The following ZNF18 variants were observed in gnomAD, a reference collection of about 807,000 sequenced individuals.
The protein encoded by ZNF18 is heart development-specific gene 1 protein.
A neutral mutation model predicts 58.1 loss-of-function variants in ZNF18; 42 were observed. That is an observed-to-expected ratio of 0.72 (90% CI 0.56 to 0.93). The LOEUF is 0.93. ZNF18 is among the 40% of genes least tolerant of loss of function. ZNF18 has a pLI of 0.00. For missense variants in ZNF18, 540 were observed against 644.2 expected (o/e 0.84, Z 1.75); for synonymous variants, 231 against 239.8 (o/e 0.96, Z 0.34).
Position 11,991,098 on chromosome 17 carries a change from C to T in ZNF18, c.453G>A (p.Val151=). 1 of 1,614,204 alleles carries T rather than the reference C, an allele frequency of 6.2e-7. No homozygotes were observed. ...SEKMESPSCQ[V]GEVEPHLEVV... is the part of the protein sequence containing the mutation. ...CTTCAAGATGGGGCTCCACTTCCCC[C>T]ACTTGGCAGCTTGGAGATTCCATCT... Residue 151 remains valine, a synonymous_variant, in exon 3 of 7, where the codon GTG becomes GTA. Transcript: ENST00000580306.
chr17:11,984,312 G>A, intron 4 of ZNF18, 115 bp from the exon 5 acceptor site: 2 of 991,450 alleles, frequency 2.0e-6, no homozygotes, highest in Non-Finnish European at 2.9e-6. Context: ...TAGGATCCTG[G>A]CCATCGCAAG....
the ZNF18 span, among the ~76,000 whole-genome samples, chr17:12,005,393 G>C: frequency 6.6e-6 from 1 of 151,964 alleles, no homozygotes; most frequent in African/African-American, 2.4e-5. Flanking sequence ...TAAGCCCATC[G>C]GTAAAAATTA....
the ZNF18 span, among the ~76,000 whole-genome samples, chr17:12,017,514 T>G: frequency 7.9e-5 from 12 of 152,178 alleles, no homozygotes; most frequent in African/African-American, 2.9e-4. Flanking sequence ...TCCCAGAGGC[T>G]GAAATTGGGG....
At chr17:12,002,022 G>GAAGA (rs1035789928), upstream of ZNF18, among the ~76,000 whole-genome samples, 3 of 152,076 alleles carry the variant, frequency 2.0e-5, no homozygotes, top group African/African-American at 7.2e-5. Flanking sequence ...GGGAAAAAAA[G>GAAGA]AAGAAAGAAA....
chr17:11,991,519 A>G (rs973483791), intron 2 of ZNF18, among the ~76,000 whole-genome samples: 3 of 152,206 alleles, frequency 2.0e-5, no homozygotes, highest in African/African-American at 7.2e-5. Context: ...ATAGCTAAAG[A>G]GTGTTGAGAG....
the ZNF18 span, among the ~76,000 whole-genome samples, chr17:12,020,537 T>C: frequency 6.6e-6 from 1 of 152,212 alleles, no homozygotes; most frequent in Non-Finnish European, 1.5e-5. Flanking sequence ...AAGTGGACTT[T>C]TGGGAGTCAC....
intron 1 of ZNF18, 30 bp from the exon 2 acceptor site, chr17:11,992,941 C>G: frequency 8.0e-7 from 1 of 1,254,202 alleles, no homozygotes; most frequent in East Asian, 2.5e-5. Context: ...GAGTGCTACA[C>G]AGAGGAAGGG....
intron 1 of ZNF18, chr17:11,995,573 C>T (rs1968422351): frequency 6.6e-6 from 1 of 151,836 alleles, no homozygotes; most frequent in Admixed American, 6.6e-5. Context: ...ATCCCAGCAA[C>T]TCAGGAGGCT....
chr17:11,983,238 A>C, intron 6 of ZNF18, 59 bp downstream of exon 6: 1 of 1,327,556 alleles, frequency 7.5e-7, no homozygotes, highest in South Asian at 1.2e-5. Context: ...CTCCCCAATC[A>C]CCTCCAATTT....
the ZNF18 span, chr17:12,010,963 C>A: frequency 1.4e-6 from 1 of 710,076 alleles, no homozygotes; most frequent in Non-Finnish European, 2.6e-6. Context: ...CATTAATTCT[C>A]TTGGCAAGAA....
chr17:11,999,003 T>C (rs1423031013), upstream of ZNF18, among the ~76,000 whole-genome samples: 1 of 152,138 alleles, frequency 6.6e-6, no homozygotes, highest in African/African-American at 2.4e-5. Context: ...ATGTGATTGA[T>C]GGCGCTGCTT....
chr17:12,020,721 G>C, the ZNF18 span: 2 of 369,936 alleles, frequency 5.4e-6, no homozygotes, highest in Non-Finnish European at 9.5e-6. Flanking sequence ...TCAGCATCTG[G>C]CCCGGGCTGC....
chr17:11,992,502 C>T lies in ZNF18; in HGVS notation c.328G>A (p.Glu110Lys). The T allele has an allele frequency of 6.2e-7, 1 of 1,614,238 alleles. No individual in the cohort carries two copies. Among genetic ancestry groups the T allele is most frequent in the Non-Finnish European group, 8.5e-7 (1 of 1,180,040 alleles). Residue 110 changes from glutamate (E) to lysine (K), a missense_variant, in exon 2 of 7, where the codon GAA becomes AAA. By Grantham distance (56) the Glu-to-Lys change is moderately conservative. Transcript: ENST00000580306. The part of the protein sequence containing the change: ...WVRKQCPGSG[E>K]EAVTLVESLK... ...CTTTCCACAAGGGTCACTGCCTCTT[C>T]TCCACTTCCTGGACACTGTTTCCGC... is the stretch of plus-strand genomic sequence containing the variant.
At chr17:12,008,923 C>T in the ZNF18 span, among the ~76,000 whole-genome samples, 1 of 152,132 alleles carries the variant, frequency 6.6e-6, no homozygotes, top group Non-Finnish European at 1.5e-5. Flanking sequence ...TAACTATATC[C>T]CAAAAACCAA....
At chr17:12,018,841 A>G in the ZNF18 span, among the ~76,000 whole-genome samples, 1 of 151,986 alleles carries the variant, frequency 6.6e-6, no homozygotes, top group Non-Finnish European at 1.5e-5. Context: ...TATTCTTAAA[A>G]ATAAGATTAG....
chr17:12,008,758 ATACT>A, the ZNF18 span, among the ~76,000 whole-genome samples: 14 of 152,310 alleles, frequency 9.2e-5, no homozygotes, highest in Middle Eastern at 3.4e-3. Flanking sequence ...AGTTCACTTG[ATACT>A]TACTTAATCA....
At chr17:12,020,771 G>A in the ZNF18 span, 2 of 427,436 alleles carry the variant, frequency 4.7e-6, no homozygotes, top group Middle Eastern at 6.4e-4. Context: ...AGGCGTGTCC[G>A]GGGCGTGTCG....
intron 2 of ZNF18, among the ~76,000 whole-genome samples, 194 bp from the exon 3 acceptor site, chr17:11,991,357 C>G (rs771301121): frequency 6.6e-6 from 1 of 152,194 alleles, no homozygotes; most frequent in Non-Finnish European, 1.5e-5. Flanking sequence ...AGCTGAGGCC[C>G]GAATCAGGCG....
chr17:11,980,881 ATTC>A (rs1308281052), intron 6 of ZNF18, among the ~76,000 whole-genome samples: 3 of 152,186 alleles, frequency 2.0e-5, no homozygotes, highest in African/African-American at 7.2e-5. Flanking sequence ...TTCATGAAAC[ATTC>A]TTCTTTCAAA....
Sources: allele counts gnomAD v4.1 joint callset (sites outside exome capture counted in the v4.1 genomes callset), GRCh38; gene constraint gnomAD v4.1.1; transcripts MANE v1.5; gene names NCBI Gene and HGNC (gene_info 2026-07-23, HGNC 2026-07-21).